Variants in AKAP13 observed in about 807,000 individuals in gnomAD.
AKAP13 encodes the protein A-kinase anchor protein 13.
Under a neutral mutation model 264.5 loss-of-function variants are expected in AKAP13, and 80 were observed. That is an observed-to-expected ratio of 0.30 (90% CI 0.25 to 0.36). The LOEUF is 0.36. Ranked by LOEUF, AKAP13 falls within the 10% of genes least tolerant of loss-of-function variation. The probability of loss-of-function intolerance (pLI) is 1.00; values close to 1 mark genes in which losing one functional copy is unlikely to be tolerated. For missense variants in AKAP13, 3,712 were observed against 3,435.2 expected (o/e 1.08, Z -2.01); for synonymous variants, 1,380 against 1,250.2 (o/e 1.10, Z -2.19).
intron 33 of AKAP13, among the ~76,000 whole-genome samples, chr15:85,739,583 G>GA (rs934206726): frequency 1.3e-4 from 19 of 151,492 alleles, no homozygotes; most frequent in Non-Finnish European, 2.7e-4. Flanking sequence ...AGAAATTTTT[G>GA]AAAAAAATCT....
intron 14 of AKAP13, among the ~76,000 whole-genome samples, chr15:85,671,813 G>A (rs990137425): frequency 1.4e-4 from 22 of 152,096 alleles, no homozygotes; most frequent in African/African-American, 4.6e-4. Flanking sequence ...CCCTCCTTCC[G>A]TGACCAGCAA....
chr15:85,676,768 A>G (rs1318065254), intron 14 of AKAP13, among the ~76,000 whole-genome samples: 1 of 152,204 alleles, frequency 6.6e-6, no homozygotes, highest in Admixed American at 6.5e-5. Context: ...ACAGGTATGT[A>G]TTTATTAGCC....
At chr15:85,543,176 TTA>T (rs1371321852) in intron 4 of AKAP13, among the ~76,000 whole-genome samples, 1 of 152,246 alleles carries the variant, frequency 6.6e-6, no homozygotes, top group East Asian at 1.9e-4. Context: ...CTTCCTCTCA[TTA>T]AACAAATAAA....
intron 6 of AKAP13, among the ~76,000 whole-genome samples, chr15:85,578,617 T>G (rs1045899436): frequency 2.0e-5 from 3 of 152,180 alleles, no homozygotes; most frequent in South Asian, 4.1e-4. Context: ...GTGCTGGGAT[T>G]ACAGGCATGA....
intron 8 of AKAP13, among the ~76,000 whole-genome samples, chr15:85,636,028 A>G (rs910676192): frequency 2.0e-5 from 3 of 152,178 alleles, no homozygotes; most frequent in Middle Eastern, 3.2e-3. Flanking sequence ...TAACAACTGT[A>G]TTGAGTCTTC....
At chr15:85,531,677 C>T (rs753994525) in intron 3 of AKAP13, among the ~76,000 whole-genome samples, 4 of 152,148 alleles carry the variant, frequency 2.6e-5, no homozygotes, top group East Asian at 1.9e-4. Flanking sequence ...TGCATGTGCA[C>T]GTGCTCGCAC....
In AKAP13 at chr15:85,735,160, G is replaced by T; in HGVS notation, c.7441+10G>T. ...ATGAATGCTTCAAAAGGTAAATGAT[G>T]TGAAGTCATGAGCTTTTATAGGCAA... is the stretch of plus-strand genomic sequence containing the variant. On this transcript the variant is annotated intron_variant, in intron 31 of 36. Transcript: ENST00000394518. The T allele has an allele frequency of 6.2e-7, 1 of 1,611,920 alleles. No individual in the cohort carries two copies. Among genetic ancestry groups the T allele is most frequent in the Non-Finnish European group, 8.5e-7 (1 of 1,179,110 alleles).
At chr15:85,630,208 C>CACACAT (rs1491087179) in intron 8 of AKAP13, among the ~76,000 whole-genome samples, 1 of 44,908 alleles carries the variant, frequency 2.2e-5, no homozygotes, top group Non-Finnish European at 3.9e-5. Flanking sequence ...CACACACACA[C>CACACAT]ATCATGAACT....
intron 1 of AKAP13, among the ~76,000 whole-genome samples, chr15:85,468,932 T>TTTTTTTTG (rs1567072793): frequency 1.5e-5 from 2 of 137,614 alleles, no homozygotes; most frequent in African/African-American, 3.0e-5. Context: ...TTTTTTTTTT[T>TTTTTTTTG]AATCAGACTT....
chr15:85,615,684 A>G (rs1364633823), intron 8 of AKAP13, among the ~76,000 whole-genome samples: 1 of 152,220 alleles, frequency 6.6e-6, no homozygotes, highest in Non-Finnish European at 1.5e-5. Context: ...GTGAAGAACA[A>G]AGGTAGAAAG....
At chr15:85,729,885 G>A (rs752483390) in intron 29 of AKAP13, among the ~76,000 whole-genome samples, 14 of 152,008 alleles carry the variant, frequency 9.2e-5, no homozygotes, top group East Asian at 3.9e-4. Context: ...TGGAGGTTAC[G>A]GTGAGCCAAG....
chr15:85,512,193 C>A (rs2082827575), intron 2 of AKAP13, among the ~76,000 whole-genome samples: 2 of 152,098 alleles, frequency 1.3e-5, no homozygotes, highest in Admixed American at 1.3e-4. Flanking sequence ...TGTGAAGTTT[C>A]AAAAAGACAG....
intron 5 of AKAP13, among the ~76,000 whole-genome samples, chr15:85,564,117 A>T (rs1424000330): frequency 6.6e-6 from 1 of 152,198 alleles, no homozygotes; most frequent in Non-Finnish European, 1.5e-5. Context: ...GTATCTGTTT[A>T]AGTAGATACT....
intron 8 of AKAP13, among the ~76,000 whole-genome samples, chr15:85,586,435 C>G (rs1328029803): frequency 6.6e-6 from 1 of 152,006 alleles, no homozygotes; most frequent in African/African-American, 2.4e-5. Context: ...TCGAACTGGC[C>G]TCAAGTGATC....
chr15:85,578,725 A>G (rs1191683890), intron 6 of AKAP13, among the ~76,000 whole-genome samples: 1 of 152,178 alleles, frequency 6.6e-6, no homozygotes, highest in Non-Finnish European at 1.5e-5. Context: ...TATTTTGAAC[A>G]TCCCAGTATA....
intron 4 of AKAP13, among the ~76,000 whole-genome samples, chr15:85,539,666 C>T (rs2077519672): frequency 6.6e-6 from 1 of 152,080 alleles, no homozygotes; most frequent in South Asian, 2.1e-4. Context: ...TTTTGCAGAT[C>T]TGAGGGAAGG....
intron 8 of AKAP13, among the ~76,000 whole-genome samples, chr15:85,604,434 A>G (rs1394161066): frequency 1.3e-5 from 2 of 151,770 alleles, no homozygotes; most frequent in Admixed American, 6.6e-5. Flanking sequence ...CAGTAATGAA[A>G]TGGAACCAAT....
At chr15:85,606,358 T>C (rs1331768555) in intron 8 of AKAP13, among the ~76,000 whole-genome samples, 3 of 152,090 alleles carry the variant, frequency 2.0e-5, no homozygotes, top group Non-Finnish European at 4.4e-5. Context: ...CACCTCAGCC[T>C]CCCAAAGTGC....
intron 1 of AKAP13, among the ~76,000 whole-genome samples, chr15:85,473,247 G>T (rs1470408999): frequency 6.6e-6 from 1 of 152,168 alleles, no homozygotes; most frequent in Non-Finnish European, 1.5e-5. Flanking sequence ...AACTGGGCGC[G>T]GGTGTGGGGG....
Sources: allele counts gnomAD v4.1 joint callset (sites outside exome capture counted in the v4.1 genomes callset), GRCh38; gene constraint gnomAD v4.1.1; transcripts MANE v1.5; gene names NCBI Gene and HGNC (gene_info 2026-07-23, HGNC 2026-07-21).